HDAC5: variants seen among roughly 807,000 people sequenced by gnomAD.
The protein encoded by HDAC5 is antigen NY-CO-9.
A neutral mutation model predicts 133.3 loss-of-function variants in HDAC5; 25 were observed. The ratio of observed to expected loss-of-function variants is 0.19; its 90% CI spans 0.14 to 0.26. The LOEUF (loss-of-function observed/expected upper bound fraction) is 0.26. Ranked by LOEUF, HDAC5 falls within the 10% of genes least tolerant of loss-of-function variation. The pLI is 1.00. For missense variants in HDAC5, 1,041 were observed against 1,460.5 expected, an observed-to-expected ratio of 0.71 and a Z score of 4.68; for synonymous variants, 589 against 610.8, an observed-to-expected ratio of 0.96 and a Z score of 0.53.
At chr17:44,088,210 A>G (rs1259528344) in intron 12 of HDAC5, among the ~76,000 whole-genome samples, 177 bp downstream of exon 12, 1 of 152,060 alleles carries the variant, frequency 6.6e-6, no homozygotes, top group Non-Finnish European at 1.5e-5. Context: ...CGGGGGTTTC[A>G]CCATGTTGGC....
chr17:44,116,953 C>T (rs750094500), intron 2 of HDAC5, among the ~76,000 whole-genome samples: 1 of 152,146 alleles, frequency 6.6e-6, no homozygotes, highest in Non-Finnish European at 1.5e-5. Context: ...AGAGGAGAGC[C>T]GAGACTCCTC....
At chr17:44,123,380 A>AG (rs1221319434) in intron 1 of HDAC5, 124 bp downstream of exon 1, 6 of 321,188 alleles carry the variant, frequency 1.9e-5, no homozygotes, top group African/African-American at 1.3e-4. Flanking sequence ...GGAGGAAGGA[A>AG]GGGGGGCGCG....
chr17:44,096,776 T>C (rs1161235594), intron 3 of HDAC5, among the ~76,000 whole-genome samples: 1 of 131,084 alleles, frequency 7.6e-6, no homozygotes, highest in Admixed American at 8.1e-5. Flanking sequence ...GCCCCTGGCC[T>C]TTTTTTTAGA....
intron 14 of HDAC5, 171 bp from the exon 15 acceptor site, chr17:44,085,326 C>CTT (rs56379369): frequency 2.2e-4 from 83 of 376,682 alleles, no homozygotes; most frequent in African/African-American, 6.8e-4. Context: ...TCCTCTCCAG[C>CTT]TTTTTTTTTT....
At chr17:44,115,313 G>A (rs1233318768) in intron 2 of HDAC5, among the ~76,000 whole-genome samples, 1 of 152,198 alleles carries the variant, frequency 6.6e-6, no homozygotes, top group Non-Finnish European at 1.5e-5. Context: ...GCAGACCCTG[G>A]GGACTAACCA....
At chr17:44,082,732 A>G in intron 19 of HDAC5, 33 bp downstream of exon 19, 1 of 1,606,006 alleles carries the variant, frequency 6.2e-7, no homozygotes, top group Middle Eastern at 1.7e-4. Flanking sequence ...AAGAGACAGG[A>G]AGGGGCGAGG....
At position 44,093,771 on chromosome 17, in the gene HDAC5, C is replaced by T; in HGVS notation, c.158G>A (p.Ser53Asn). 6.3e-7 allele frequency: 1 copy of T among 1,580,390 alleles called. No homozygotes were observed. The highest frequency in any genetic ancestry group is 8.6e-7 in the Non-Finnish European group (1 of 1,161,894). ...CCCCCGTAGCTCCACAGGGCTGGGGCTGCCTCCACCCCCACCCCCCATGGA... is the reference window on the plus strand; with the variant it reads ...CCCCCGTAGCTCCACAGGGCTGGGGTTGCCTCCACCCCCACCCCCCATGGA... ...PSSMGGGGGG[S>N]PSPVELRGAL... The change falls in exon 4 of 27, where the codon AGC (serine) becomes AAC (asparagine). Residue 53 changes from serine (S) to asparagine (N), a missense_variant. Physicochemically the swap from Ser to Asn is conservative, Grantham distance 46. Coordinates refer to ENST00000682912, the MANE Select transcript of HDAC5 (RefSeq NM_005474.5).
At chr17:44,099,070 C>G (rs1314689566) in intron 3 of HDAC5, among the ~76,000 whole-genome samples, 3 of 152,038 alleles carry the variant, frequency 2.0e-5, no homozygotes, top group Admixed American at 2.0e-4. Flanking sequence ...GAGCCAAGAT[C>G]GCGACATTGC....
intron 2 of HDAC5, among the ~76,000 whole-genome samples, chr17:44,112,357 G>A (rs1485724894): frequency 6.6e-6 from 1 of 151,664 alleles, no homozygotes; most frequent in Non-Finnish European, 1.5e-5. Context: ...CCTCCCCACC[G>A]CTGGCCTGCC....
At chr17:44,090,815 G>A (rs1441854253) in intron 11 of HDAC5, among the ~76,000 whole-genome samples, 1 of 151,834 alleles carries the variant, frequency 6.6e-6, no homozygotes, top group African/African-American at 2.4e-5. Context: ...TCAGCCTCCT[G>A]AGTAGCTGGG....
At chr17:44,084,403 G>T (rs1027544474) in intron 16 of HDAC5, 152 bp downstream of exon 16, 3 of 879,764 alleles carry the variant, frequency 3.4e-6, no homozygotes, top group Admixed American at 5.1e-5. Context: ...CCCTCTGGAG[G>T]TGTGTGACGT....
chr17:44,080,852 C>T lies in HDAC5; in HGVS notation c.2638G>A (p.Ala880Thr). Residue 880 changes from alanine to threonine, a missense_variant, in exon 21 of 27, where the codon GCG (alanine) becomes ACG (threonine). Coordinates refer to ENST00000682912, the MANE Select transcript of HDAC5 (RefSeq NM_005474.5). ...AGCACAGAGGGGTCATTGTAGAACG[C>T]CTGCTGGGTGCCATTGCCATGGTGA... ...DIHHGNGTQQAFYNDPSVLYI... is the reference protein window; with the variant it reads ...DIHHGNGTQQTFYNDPSVLYI... The T allele has an allele frequency of 6.2e-7, 1 of 1,614,196 alleles. No homozygotes were observed. Among genetic ancestry groups the T allele is most frequent in the Non-Finnish European group, 8.5e-7 (1 of 1,180,024 alleles).
Position 44,117,574 on chromosome 17 carries a change from T to A in HDAC5, c.-59A>T. 2 of 1,586,628 alleles carry A rather than the reference T, an allele frequency of 1.3e-6. No individual in the cohort carries two copies. The highest frequency in any genetic ancestry group is 1.7e-6 in the Non-Finnish European group (2 of 1,159,346). ...GGGCTGGGACGGGAGGGGGTGGAGC[T>A]GCGGTGATGTCAAGAGAGACAGACG... On this transcript the variant is annotated 5_prime_UTR_variant, in exon 2 of 27. Coordinates refer to ENST00000682912, the MANE Select transcript of HDAC5 (RefSeq NM_005474.5). This position sits in a 1 kb window ranked among gnomAD's most constrained non-coding sequence, Gnocchi z 4.2.
chr17:44,081,353 G>A (rs187048997), intron 20 of HDAC5, among the ~76,000 whole-genome samples: 503 of 151,228 alleles, frequency 3.3e-3, no homozygotes, highest in Non-Finnish European at 5.4e-3. Context: ...GGGTTCAAGC[G>A]ATTCTCCTGC....
Position 44,082,305 on chromosome 17 carries a change from A to G in HDAC5, c.2607+280T>C. 4 of 499,732 alleles carry G rather than the reference A, an allele frequency of 8.0e-6. No homozygotes were observed. In the South Asian group the frequency reaches 1.0e-4, roughly 12 times the overall value. 31.0% of individuals were successfully genotyped at this position (499,732 alleles called of 1,614,324 possible). On this transcript the variant is annotated intron_variant, in intron 20 of 26. Transcript: ENST00000682912. ...AATGGCGGCAGCGTCACTACCGTTCAAGGTAGGAAATCCCCTTCGTTGCTT... is the reference window on the plus strand; with the variant it reads ...AATGGCGGCAGCGTCACTACCGTTCGAGGTAGGAAATCCCCTTCGTTGCTT...
At chr17:44,114,770 G>A (rs1323146546) in intron 2 of HDAC5, among the ~76,000 whole-genome samples, 1 of 152,234 alleles carries the variant, frequency 6.6e-6, no homozygotes, top group African/African-American at 2.4e-5. Flanking sequence ...CCACTGAGGA[G>A]AACATGCAGA....
intron 3 of HDAC5, among the ~76,000 whole-genome samples, chr17:44,106,286 C>T (rs1187903524): frequency 6.6e-6 from 1 of 152,154 alleles, no homozygotes; most frequent in Non-Finnish European, 1.5e-5. Context: ...CTAAAATCCC[C>T]TCAGGGAGAA....
chr17:44,110,671 A>G, intron 3 of HDAC5, 58 bp downstream of exon 3: 1 of 1,392,904 alleles, frequency 7.2e-7, no homozygotes, highest in Non-Finnish European at 1.0e-6. Context: ...CCAGATGCTC[A>G]GCCCAGGGAC....
chr17:44,118,846 A>T (rs1159584697), intron 1 of HDAC5, among the ~76,000 whole-genome samples: 3 of 152,174 alleles, frequency 2.0e-5, no homozygotes, highest in Admixed American at 6.5e-5. Context: ...CTGCCCCCCT[A>T]GACAGCCCCA....
Sources: allele counts gnomAD v4.1 joint callset (sites outside exome capture counted in the v4.1 genomes callset), GRCh38; gene constraint gnomAD v4.1.1; non-coding constraint Gnocchi (gnomAD v3.1); transcripts MANE v1.5; gene names NCBI Gene and HGNC (gene_info 2026-07-23, HGNC 2026-07-21).